The following ABCC3 variants were observed in gnomAD, a reference collection of about 807,000 sequenced individuals.
ABCC3 encodes ATP binding cassette subfamily C member 3.
In ABCC3, 121 loss-of-function variants were observed where a neutral mutation model predicts 165.3. The ratio of observed to expected loss-of-function variants is 0.73; its 90% confidence interval spans 0.63 to 0.85. The LOEUF (loss-of-function observed/expected upper bound fraction) is 0.85, where lower values mean the gene tolerates loss of function less well. ABCC3 is among the 40% of genes least tolerant of loss of function. The pLI is 0.00. For synonymous variants in ABCC3, 733 were observed against 810.1 expected (o/e 0.90, Z 1.62); for missense variants, 1,869 against 1,964.1 (o/e 0.95, Z 0.92).
In ABCC3 at chr17:50,687,686, C is replaced by T; in HGVS notation, c.4431C>T (p.Val1477=). Residue 1477 remains valine (V), a synonymous_variant, in exon 30 of 31, where the codon GTC becomes GTT. Transcript: ENST00000285238. ...GCACCCAGTTTGATACCTGCACTGT[C>T]CTGACCATCGCACACCGGCTTAACA... ...TIRTQFDTCT[V]LTIAHRLNTI... 6.2e-7 allele frequency: 1 copy of T among 1,614,256 alleles called. No homozygotes were observed. Among genetic ancestry groups the T allele is most frequent in the Non-Finnish European group, 8.5e-7 (1 of 1,180,044 alleles).
At chr17:50,635,286 G>C (rs1203848385) in intron 1 of ABCC3, 1 of 623,474 alleles carries the variant, frequency 1.6e-6, no homozygotes, top group African/African-American at 1.8e-5. Context: ...GGCTGGGTGA[G>C]TCGGCTCCAT....
chr17:50,641,766 C>T (rs1966896946), intron 1 of ABCC3, among the ~76,000 whole-genome samples: 1 of 152,100 alleles, frequency 6.6e-6, no homozygotes, highest in South Asian at 2.1e-4. Context: ...ATCATAAAGG[C>T]CAGGTGCAGT....
chr17:50,676,329 C>T lies in ABCC3; in HGVS notation c.3119C>T (p.Ala1040Val). Residue 1040 changes from alanine to valine, a missense_variant, in exon 23 of 31, where the codon GCT (alanine) becomes GTT (valine). Transcript: ENST00000285238. ...AMAMAAGGIQ[A>V]ARVLHQALLH... ...GCCATGGCAGCGGGTGGCATCCAGG[C>T]TGCCCGTGTGTTGCACCAGGCACTG... 1.2e-6 allele frequency: 2 copies of T among 1,614,152 alleles called. No individual in the cohort carries two copies. Among genetic ancestry groups the T allele is most frequent in the Non-Finnish European group, 1.7e-6 (2 of 1,179,982 alleles).
intron 1 of ABCC3, chr17:50,635,568 C>G (rs1024951359): frequency 1.4e-6 from 1 of 702,510 alleles, no homozygotes; most frequent in Non-Finnish European, 2.6e-6. Flanking sequence ...ACTCCGGACT[C>G]AGAAGGGAGA....
intron 17 of ABCC3, among the ~76,000 whole-genome samples, chr17:50,671,280 A>G (rs1967641449): frequency 6.6e-6 from 1 of 152,028 alleles, no homozygotes; most frequent in Non-Finnish European, 1.5e-5. Flanking sequence ...AAAAGAAAAA[A>G]AAACTTAATC....
chr17:50,665,693 C>T (rs970240080), intron 11 of ABCC3, among the ~76,000 whole-genome samples: 2 of 151,414 alleles, frequency 1.3e-5, no homozygotes, highest in Admixed American at 6.6e-5. Context: ...GCAACCTCTG[C>T]CTCCCGGGTT....
chr17:50,671,548 G>A (rs1358435451), intron 17 of ABCC3, among the ~76,000 whole-genome samples: 1 of 151,910 alleles, frequency 6.6e-6, no homozygotes, highest in Non-Finnish European at 1.5e-5. Context: ...AATGTATTTT[G>A]TACAGTTACG....
At chr17:50,657,939 A>T in intron 4 of ABCC3, 143 bp from the exon 5 acceptor site, 1 of 1,114,756 alleles carries the variant, frequency 9.0e-7, no homozygotes, top group Non-Finnish European at 1.3e-6. Flanking sequence ...CATCTCTCAG[A>T]GTCCTCTGAG....
At chr17:50,668,137 A>C in intron 13 of ABCC3, 128 bp downstream of exon 13, 1 of 859,504 alleles carries the variant, frequency 1.2e-6, no homozygotes, top group Non-Finnish European at 1.8e-6. Flanking sequence ...TAGCATTATG[A>C]AGAGCTATTC....
chr17:50,656,098 A>T (rs1967236887), intron 2 of ABCC3, 90 bp downstream of exon 2: 1 of 1,085,410 alleles, frequency 9.2e-7, no homozygotes, highest in African/African-American at 1.6e-5. Context: ...TTAATTAATT[A>T]ATTTAGAGAC....
intron 17 of ABCC3, among the ~76,000 whole-genome samples, chr17:50,671,466 ACTT>A (rs1396556921): frequency 6.6e-6 from 1 of 152,026 alleles, no homozygotes; most frequent in African/African-American, 2.4e-5. Flanking sequence ...GAATTTGACT[ACTT>A]AGTATCTTAG....
intron 8 of ABCC3, among the ~76,000 whole-genome samples, chr17:50,661,467 G>A (rs187512305): frequency 6.6e-6 from 1 of 152,346 alleles, no homozygotes; most frequent in Admixed American, 6.5e-5. Context: ...AGGGCACACA[G>A]CAAAGAAGGA....
chr17:50,660,822 C>G, intron 7 of ABCC3, 101 bp from the exon 8 acceptor site: 1 of 1,034,508 alleles, frequency 9.7e-7, no homozygotes. Flanking sequence ...AAGAAAACAG[C>G]TCCTTCCTCC....
Position 50,689,616 on chromosome 17 carries a change from C to T in ABCC3, c.4476-1476C>T, listed in dbSNP as rs554524702. Reference sequence around the variant, plus strand: ...GCCATGGACAGGGCAATGGGTCAGACCTTGCTCTCTTGGAAGTGCCCCCAT... The same window carrying T: ...GCCATGGACAGGGCAATGGGTCAGATCTTGCTCTCTTGGAAGTGCCCCCAT... On this transcript the variant is annotated intron_variant, in intron 30 of 30. Transcript: ENST00000285238. 5.3e-5 allele frequency among the ~76,000 whole-genome samples: 8 copies of T among 152,334 alleles called. No individual in the cohort carries two copies. In the South Asian group the frequency reaches 1.4e-3, roughly 28 times the overall value.
rs187825142 is a variant in ABCC3 at position 50,656,956 on chromosome 17, C to T, written c.349-90C>T. On this transcript the variant is annotated intron_variant, in intron 3 of 30. Transcript: ENST00000285238. ...AATGGGAAGAAGAAGGGGGTGGCCC[C>T]AGAAACTTCTGGCCATGTGGGATGG... The T allele has an allele frequency of 6.2e-3, 9,566 of 1,554,226 alleles. 42 individuals are homozygous for T. The highest frequency in any genetic ancestry group is 7.7e-3 in the Non-Finnish European group (8,872 of 1,152,026).
rs1456384833 is a variant in ABCC3 at position 50,673,744 on chromosome 17, A to G, written c.2599+86A>G. On this transcript the variant is annotated intron_variant, in intron 19 of 30. Transcript: ENST00000285238. ...TCTCTGAGTGTGTCTAGACTGGCCT[A>G]GTGTTGTGCCAGGCAGGTTCTGGGA... 20 of 1,409,644 alleles carry G rather than the reference A, an allele frequency of 1.4e-5. No individual in the cohort carries two copies. The Admixed American group carries it at 3.8e-4, about 27-fold the overall frequency. 87.3% of individuals were successfully genotyped at this position (1,409,644 alleles called of 1,614,324 possible). A position where few individuals can be genotyped will look rare whatever the true frequency, so the allele number is the denominator to read the frequency against.
At chr17:50,655,017 G>A (rs1221873610) in intron 1 of ABCC3, among the ~76,000 whole-genome samples, 9 of 142,940 alleles carry the variant, frequency 6.3e-5, no homozygotes, top group Non-Finnish European at 1.2e-4. Flanking sequence ...GGAGAATGGC[G>A]TGAACCTGGG....
At chr17:50,670,736 G>A (rs371177661) in intron 17 of ABCC3, among the ~76,000 whole-genome samples, 6 of 152,186 alleles carry the variant, frequency 3.9e-5, no homozygotes, top group African/African-American at 1.4e-4. Context: ...GACCGAGTGA[G>A]CCTTGTCTGG....
At chr17:50,659,469 C>A in intron 7 of ABCC3, 101 bp downstream of exon 7, 1 of 1,402,270 alleles carries the variant, frequency 7.1e-7, no homozygotes, top group Non-Finnish European at 9.7e-7. Flanking sequence ...GCTGGGGTGG[C>A]AAGCAGAGCA....
Sources: gnomAD v4.1 joint callset for allele counts (sites outside exome capture counted in the v4.1 genomes callset) on GRCh38, gnomAD v4.1.1 for gene constraint, MANE v1.5 for transcripts, NCBI Gene and HGNC (gene_info 2026-07-23, HGNC 2026-07-21) for gene names.